PRKAR1A: variants seen among roughly 807,000 people sequenced by gnomAD.
The protein encoded by PRKAR1A is protein kinase cAMP-dependent type I regulatory subunit alpha.
A neutral mutation model predicts 52.0 loss-of-function variants in PRKAR1A; 3 were observed. That is an observed-to-expected ratio of 0.06 (90% confidence interval 0.03 to 0.15). The LOEUF is 0.15. PRKAR1A is among the 10% of genes least tolerant of loss of function. The pLI, the probability that PRKAR1A is intolerant of heterozygous loss-of-function variation, is 1.00. For synonymous variants in PRKAR1A, 188 were observed against 168.4 expected, an observed-to-expected ratio of 1.12 and a Z score of -0.90; for missense variants, 240 against 477.4, an observed-to-expected ratio of 0.50 and a Z score of 4.63.
In PRKAR1A at chr17:68,529,961, G is replaced by A. The variant is rs1397613185; in HGVS notation, c.933G>A (p.Glu311=). Residue 311 remains glutamate (E), a synonymous_variant, in exon 10 of 11, where the codon GAG becomes GAA. Coordinates refer to ENST00000589228, the MANE Select transcript of PRKAR1A (RefSeq NM_002734.5). ...AVLQRRSENE[E]FVEVGRLGPS... ...TACAACGTCGGTCAGAAAATGAAGAGTTTGTTGAAGTGGGAAGATTGGGGC... is the reference window on the plus strand; with the variant it reads ...TACAACGTCGGTCAGAAAATGAAGAATTTGTTGAAGTGGGAAGATTGGGGC... 6.2e-7 allele frequency: 1 copy of A among 1,614,098 alleles called. No individual in the cohort carries two copies.
the PRKAR1A span, among the ~76,000 whole-genome samples, chr17:68,415,621 T>G: frequency 1.3e-5 from 2 of 152,212 alleles, no homozygotes; most frequent in African/African-American, 2.4e-5. Context: ...AGTGGAGTAT[T>G]GAAGTCCCCC....
intron 11 of PRKAR1A, chr17:68,539,268 C>G: frequency 6.5e-7 from 1 of 1,536,152 alleles, no homozygotes; most frequent in Non-Finnish European, 9.0e-7. Context: ...CCCTTCAGAC[C>G]TTGGCTGCAA....
chr17:68,470,249 T>C, the PRKAR1A span, among the ~76,000 whole-genome samples: 3 of 152,144 alleles, frequency 2.0e-5, no homozygotes, highest in African/African-American at 7.2e-5. Context: ...ACCTGACTAA[T>C]TTTTGTATTT....
At chr17:68,499,368 A>AACAGAGAG in the PRKAR1A span, among the ~76,000 whole-genome samples, 2 of 140,402 alleles carry the variant, frequency 1.4e-5, no homozygotes, top group African/African-American at 5.2e-5. Context: ...AAGGGAGGAA[A>AACAGAGAG]AGAGAGAGAG....
chr17:68,497,240 G>A, the PRKAR1A span, among the ~76,000 whole-genome samples: 1 of 152,184 alleles, frequency 6.6e-6, no homozygotes. Context: ...ACACAGCCAT[G>A]CCCATTCATT....
Position 68,530,831 on chromosome 17 carries a change from A to G in PRKAR1A, c.*382A>G. ...TAAGTGACATAATTGTCCAGTTATA[A>G]GCGTATTTAGACTGTGGCCATATAT... On this transcript the variant is annotated 3_prime_UTR_variant, in exon 11 of 11. Transcript: ENST00000589228. The G allele has an allele frequency of 8.1e-7, 1 of 1,238,092 alleles. No homozygotes were observed. The highest frequency in any genetic ancestry group is 1.0e-6 in the Non-Finnish European group (1 of 977,872). The allele number at this position is 1,238,092 out of a possible 1,614,324, so 76.7% of individuals were successfully genotyped here. A position where few individuals can be genotyped will look rare whatever the true frequency, so the allele number is the denominator to read the frequency against.
chr17:68,465,431 C>G, the PRKAR1A span, among the ~76,000 whole-genome samples: 1 of 151,770 alleles, frequency 6.6e-6, no homozygotes. Context: ...CTGGGCAAAA[C>G]AAAGCACATT....
chr17:68,539,733 AGAAG>A, intron 11 of PRKAR1A: 2 of 743,338 alleles, frequency 2.7e-6, no homozygotes, highest in South Asian at 1.6e-5. Flanking sequence ...GTAAAGAGAA[AGAAG>A]GAAATGGAAG....
the PRKAR1A span, among the ~76,000 whole-genome samples, chr17:68,481,940 G>T: frequency 6.6e-6 from 1 of 152,204 alleles, no homozygotes; most frequent in African/African-American, 2.4e-5. Flanking sequence ...TAGGCAATGC[G>T]CTAGGTGCCA....
chr17:68,431,762 C>CGTGGG, the PRKAR1A span, among the ~76,000 whole-genome samples: 1 of 152,302 alleles, frequency 6.6e-6, no homozygotes, highest in Non-Finnish European at 1.5e-5. Context: ...ATATGAACAC[C>CGTGGG]CGTGGACAGG....
At chr17:68,427,021 G>C in the PRKAR1A span, 2 of 840,280 alleles carry the variant, frequency 2.4e-6, no homozygotes, top group East Asian at 5.0e-5. Flanking sequence ...GAAGGGGAGG[G>C]AGGGCACTCC....
the PRKAR1A span, among the ~76,000 whole-genome samples, chr17:68,480,816 C>A: frequency 6.6e-6 from 1 of 152,186 alleles, no homozygotes; most frequent in Non-Finnish European, 1.5e-5. Flanking sequence ...TCCCAAAATG[C>A]TAGGTGCAAG....
the PRKAR1A span, among the ~76,000 whole-genome samples, chr17:68,497,635 G>A: frequency 6.6e-6 from 1 of 152,152 alleles, no homozygotes; most frequent in African/African-American, 2.4e-5. Context: ...AATTTACCAT[G>A]TGCCAAGTGC....
At chr17:68,495,935 C>T in the PRKAR1A span, among the ~76,000 whole-genome samples, 6 of 133,672 alleles carry the variant, frequency 4.5e-5, no homozygotes, top group East Asian at 1.4e-3. Context: ...TCTGCGTTTC[C>T]TTTCCTTTCC....
chr17:68,417,733 A>ATTTTTTTTTATTT, the PRKAR1A span, among the ~76,000 whole-genome samples: 1 of 60,788 alleles, frequency 1.6e-5, no homozygotes, highest in Admixed American at 3.1e-4. Flanking sequence ...GAGTTGCTGA[A>ATTTTTTTTTATTT]TTTTTTTTTT....
the PRKAR1A span, among the ~76,000 whole-genome samples, chr17:68,414,867 C>T: frequency 6.6e-6 from 1 of 152,036 alleles, no homozygotes; most frequent in Non-Finnish European, 1.5e-5. Context: ...TTTGTGATGT[C>T]TGTTGTAATA....
the PRKAR1A span, among the ~76,000 whole-genome samples, chr17:68,464,254 C>T: frequency 6.6e-6 from 1 of 152,166 alleles, no homozygotes; most frequent in Non-Finnish European, 1.5e-5. Flanking sequence ...CTGAGATATC[C>T]GATGATGAAA....
the PRKAR1A span, among the ~76,000 whole-genome samples, chr17:68,496,007 CCCTCCCCTGCGCTCCCCTCCTCTCCCCT>C: frequency 1.4e-3 from 2 of 1,454 alleles, no homozygotes; most frequent in East Asian, 0.017. Flanking sequence ...TCCTCCCCTC[CCCTCCCCTGCGCTCCCCTCCTCTCCCCT>C]CCTCTCCTCT....
intron 2 of PRKAR1A, among the ~76,000 whole-genome samples, chr17:68,520,226 C>A (rs2085562475): frequency 6.6e-6 from 1 of 152,164 alleles, no homozygotes; most frequent in East Asian, 1.9e-4. Context: ...CAGAGCAAGT[C>A]CTGTAGCCAA....
Sources: allele counts gnomAD v4.1 joint callset (sites outside exome capture counted in the v4.1 genomes callset), GRCh38; gene constraint gnomAD v4.1.1; transcripts MANE v1.5; gene names NCBI Gene and HGNC (gene_info 2026-07-23, HGNC 2026-07-21).